SRPK2: variants seen among roughly 807,000 people sequenced by gnomAD.
SRPK2 encodes SFRS protein kinase 2.
SRPK2 carries 21 observed loss-of-function variants against 90.8 expected under a neutral mutation model. The ratio of observed to expected loss-of-function variants is 0.23; its 90% CI spans 0.16 to 0.33. The LOEUF is 0.33. Ranked by LOEUF, SRPK2 falls within the 10% of genes least tolerant of loss-of-function variation. SRPK2 has a pLI of 1.00. For missense variants in SRPK2, 620 were observed against 869.0 expected (o/e 0.71, Z 3.60); for synonymous variants, 288 against 311.1 (o/e 0.93, Z 0.78).
intron 6 of SRPK2, among the ~76,000 whole-genome samples, chr7:105,165,968 T>A (rs1423756808): frequency 1.3e-5 from 2 of 152,090 alleles, no homozygotes; most frequent in Admixed American, 1.3e-4. Flanking sequence ...ATGCGCCACC[T>A]TTAAGAGCTG....
intron 3 of SRPK2, among the ~76,000 whole-genome samples, chr7:105,185,993 T>C (rs542072129): frequency 1.3e-5 from 2 of 152,356 alleles, no homozygotes; most frequent in South Asian, 4.1e-4. Context: ...AGTCTGCATC[T>C]TTTTATAGAT....
At chr7:105,246,850 C>G (rs1480791006) in intron 2 of SRPK2, among the ~76,000 whole-genome samples, 1 of 152,176 alleles carries the variant, frequency 6.6e-6, no homozygotes, top group Non-Finnish European at 1.5e-5. Flanking sequence ...CCTGAACTGT[C>G]AGAGAGAAAT....
intron 2 of SRPK2, among the ~76,000 whole-genome samples, chr7:105,364,874 G>C (rs1459772107): frequency 3.3e-5 from 5 of 152,124 alleles, no homozygotes; most frequent in African/African-American, 1.2e-4. Context: ...CACTGGCTAG[G>C]TATTTCCTGA....
At chr7:105,350,609 C>T (rs929852038) in intron 2 of SRPK2, among the ~76,000 whole-genome samples, 1 of 151,296 alleles carries the variant, frequency 6.6e-6, no homozygotes, top group Non-Finnish European at 1.5e-5. Context: ...CCGCAACCTC[C>T]GCCTCCCCCG....
chr7:105,385,113 C>T (rs1194865215), intron 2 of SRPK2, among the ~76,000 whole-genome samples: 1 of 150,238 alleles, frequency 6.7e-6, no homozygotes, highest in Non-Finnish European at 1.5e-5. Context: ...ACCTCGTGAT[C>T]CGCCCGCCTC....
chr7:105,283,489 CATT>C (rs1807616387), intron 2 of SRPK2, among the ~76,000 whole-genome samples: 1 of 152,022 alleles, frequency 6.6e-6, no homozygotes, highest in South Asian at 2.1e-4. Flanking sequence ...ACGCTGAAAA[CATT>C]ATGCTAAGTG....
intron 2 of SRPK2, among the ~76,000 whole-genome samples, chr7:105,205,192 C>T (rs1199251592): frequency 1.3e-5 from 2 of 152,134 alleles, no homozygotes; most frequent in Non-Finnish European, 2.9e-5. Context: ...CAAAAAAACC[C>T]ATACGGCCAC....
intron 2 of SRPK2, among the ~76,000 whole-genome samples, chr7:105,280,548 C>A (rs1807127931): frequency 6.6e-6 from 1 of 151,668 alleles, no homozygotes; most frequent in Non-Finnish European, 1.5e-5. Context: ...CTTTGGTAAG[C>A]CAACACCCAC....
At chr7:105,169,842 G>T (rs1343918141) in intron 3 of SRPK2, among the ~76,000 whole-genome samples, 1 of 152,096 alleles carries the variant, frequency 6.6e-6, no homozygotes. Context: ...TTAAGACAGG[G>T]TCTCACTCTG....
chr7:105,254,649 T>C (rs1802977398), intron 2 of SRPK2, among the ~76,000 whole-genome samples: 1 of 151,504 alleles, frequency 6.6e-6, no homozygotes, highest in Non-Finnish European at 1.5e-5. Flanking sequence ...ATGTTATCGT[T>C]GAAGTACATC....
chr7:105,269,090 A>C (rs1805485815), intron 2 of SRPK2: 1 of 1,186,464 alleles, frequency 8.4e-7, no homozygotes, highest in African/African-American at 1.5e-5. Flanking sequence ...GAAAGCAGGA[A>C]GTACCATTTC....
At chr7:105,389,201 C>G, upstream of SRPK2, 1 of 1,138,608 alleles carries the variant, frequency 8.8e-7, no homozygotes. Flanking sequence ...GGCACCGGAC[C>G]CGCGGGACCC....
At chr7:105,367,403 T>C (rs1819199938) in intron 2 of SRPK2, among the ~76,000 whole-genome samples, 1 of 152,024 alleles carries the variant, frequency 6.6e-6, no homozygotes. Flanking sequence ...GCTGGGACTA[T>C]AGGCACGCAC....
chr7:105,347,571 T>C (rs1276196081), intron 2 of SRPK2, among the ~76,000 whole-genome samples: 1 of 151,966 alleles, frequency 6.6e-6, no homozygotes, highest in Non-Finnish European at 1.5e-5. Context: ...GGAAGAATTA[T>C]GGCTGGGCAT....
chr7:105,262,963 G>C (rs1007334712), intron 2 of SRPK2, among the ~76,000 whole-genome samples: 1 of 152,170 alleles, frequency 6.6e-6, no homozygotes, highest in Non-Finnish European at 1.5e-5. Context: ...CTAAAACTCA[G>C]CAACTGCACT....
At chr7:105,175,801 T>C (rs1000896003) in intron 3 of SRPK2, among the ~76,000 whole-genome samples, 8 of 151,726 alleles carry the variant, frequency 5.3e-5, no homozygotes, top group Middle Eastern at 3.2e-3. Context: ...CACAAACCAC[T>C]CAAGGTCCAA....
intron 2 of SRPK2, among the ~76,000 whole-genome samples, chr7:105,300,537 A>C (rs1468322276): frequency 2.6e-5 from 4 of 152,218 alleles, no homozygotes; most frequent in Non-Finnish European, 5.9e-5. Flanking sequence ...ATGCACATCT[A>C]AGCTTCATGT....
intron 7 of SRPK2, among the ~76,000 whole-genome samples, chr7:105,158,261 T>A (rs79535200): frequency 0.039 from 5,872 of 152,090 alleles, 410 homozygotes; most frequent in African/African-American, 0.13. Context: ...TCACCTTTTT[T>A]TTTTTTTCCC....
intron 2 of SRPK2, among the ~76,000 whole-genome samples, chr7:105,299,502 T>C (rs1042539993): frequency 8.5e-5 from 13 of 152,204 alleles, no homozygotes; most frequent in Non-Finnish European, 1.0e-4. Flanking sequence ...ATTAAATATA[T>C]TCATCTTTTA....
Sources: gnomAD v4.1 joint callset for allele counts (sites outside exome capture counted in the v4.1 genomes callset) on GRCh38, gnomAD v4.1.1 for gene constraint, MANE v1.5 for transcripts, NCBI Gene and HGNC (gene_info 2026-07-23, HGNC 2026-07-21) for gene names.